The following UTRN variants were observed in gnomAD, a reference collection of about 807,000 sequenced individuals.
UTRN encodes dystrophin-related protein 1.
A neutral mutation model predicts 463.9 loss-of-function variants in UTRN; 283 were observed. That is an observed-to-expected ratio of 0.61 (90% CI 0.55 to 0.67). The LOEUF (loss-of-function observed/expected upper bound fraction) is 0.67, where lower values mean the gene tolerates loss of function less well. UTRN is among the 30% of genes least tolerant of loss of function. The pLI is 0.00. For missense variants in UTRN, 3,922 were observed against 4,084.3 expected, an observed-to-expected ratio of 0.96 and a Z score of 1.08; for synonymous variants, 1,442 against 1,431.5, an observed-to-expected ratio of 1.01 and a Z score of -0.17.
chr6:144,635,509 TTTTTCTTTTTTTTTTTTTTTCTTTTC>T (rs1777031314), intron 51 of UTRN, among the ~76,000 whole-genome samples: 4 of 83,502 alleles, frequency 4.8e-5, no homozygotes, highest in African/African-American at 1.8e-4. Flanking sequence ...CTAGCCTTTT[TTTTTCTTTTTTTTTTTTTTTCTTTTC>T]TTTTTTTTTT....
At chr6:144,305,207 T>C (rs1164902573) in intron 2 of UTRN, among the ~76,000 whole-genome samples, 4 of 152,246 alleles carry the variant, frequency 2.6e-5, no homozygotes, top group Admixed American at 1.3e-4. Flanking sequence ...TATGTCAGCA[T>C]AGATAAATCT....
intron 53 of UTRN, among the ~76,000 whole-genome samples, chr6:144,727,705 C>T (rs919894818): frequency 6.6e-6 from 1 of 151,994 alleles, no homozygotes; most frequent in Non-Finnish European, 1.5e-5. Context: ...GTGAAGGTTA[C>T]GGTGAGCTGA....
chr6:144,748,612 T>C, intron 55 of UTRN, 98 bp downstream of exon 55: 2 of 1,468,422 alleles, frequency 1.4e-6, no homozygotes, highest in Admixed American at 2.4e-5. Context: ...TATAAGGGAT[T>C]GTTACAAAGC....
At chr6:144,753,381 G>A (rs1266037976) in intron 56 of UTRN, among the ~76,000 whole-genome samples, 1 of 152,168 alleles carries the variant, frequency 6.6e-6, no homozygotes, top group African/African-American at 2.4e-5. Flanking sequence ...TTGTGAGGCT[G>A]AGGTGAGAGG....
At chr6:144,303,250 C>A (rs1295013784) in intron 2 of UTRN, among the ~76,000 whole-genome samples, 1 of 152,156 alleles carries the variant, frequency 6.6e-6, no homozygotes, top group Non-Finnish European at 1.5e-5. Flanking sequence ...TGTGCAAAGC[C>A]TCAATGTAAA....
chr6:144,404,813 G>T (rs1313764129), intron 3 of UTRN, among the ~76,000 whole-genome samples: 1 of 152,110 alleles, frequency 6.6e-6, no homozygotes, highest in Non-Finnish European at 1.5e-5. Flanking sequence ...TAATTGAAAA[G>T]AAATTTCTCA....
chr6:144,442,902 C>T (rs1787313913), intron 13 of UTRN, among the ~76,000 whole-genome samples: 1 of 152,298 alleles, frequency 6.6e-6, no homozygotes, highest in East Asian at 1.9e-4. Flanking sequence ...TTCCTAGGCT[C>T]TACCCACTAC....
intron 74 of UTRN, among the ~76,000 whole-genome samples, 197 bp downstream of exon 74, chr6:144,847,024 A>C (rs1284529826): frequency 6.6e-6 from 1 of 152,244 alleles, no homozygotes; most frequent in African/African-American, 2.4e-5. Context: ...CAGATACCAA[A>C]AATACCATGT....
chr6:144,620,281 A>G (rs935956367), intron 51 of UTRN, among the ~76,000 whole-genome samples: 1 of 152,112 alleles, frequency 6.6e-6, no homozygotes, highest in Admixed American at 6.6e-5. Context: ...ATTGGCTACT[A>G]TGTTTTTGCT....
intron 51 of UTRN, among the ~76,000 whole-genome samples, chr6:144,674,691 G>A (rs971946619): frequency 6.6e-6 from 1 of 151,982 alleles, no homozygotes; most frequent in African/African-American, 2.4e-5. Flanking sequence ...CAAGTAGCTG[G>A]GACCACAGGT....
chr6:144,528,047 T>G (rs1238710966), intron 41 of UTRN, among the ~76,000 whole-genome samples: 2 of 141,448 alleles, frequency 1.4e-5, no homozygotes, highest in Non-Finnish European at 3.0e-5. Context: ...TTTTTTTTTT[T>G]TTTTTTGAGA....
chr6:144,367,860 C>T (rs571767620), intron 2 of UTRN, among the ~76,000 whole-genome samples: 4 of 152,266 alleles, frequency 2.6e-5, no homozygotes, highest in South Asian at 4.1e-4. Context: ...CGGCTCACTC[C>T]AACCTCTGCC....
intron 51 of UTRN, among the ~76,000 whole-genome samples, chr6:144,639,206 C>A (rs952709322): frequency 6.6e-6 from 1 of 152,180 alleles, no homozygotes; most frequent in South Asian, 2.1e-4. Flanking sequence ...ATAATTTTAT[C>A]TTCCTGTCCC....
At chr6:144,360,336 C>A (rs561256027) in intron 2 of UTRN, among the ~76,000 whole-genome samples, 3 of 151,818 alleles carry the variant, frequency 2.0e-5, no homozygotes, top group South Asian at 2.1e-4. Context: ...CCATGCCTGG[C>A]GAATTTTTAT....
chr6:144,295,908 C>T (rs1804644139), intron 2 of UTRN, among the ~76,000 whole-genome samples: 1 of 152,210 alleles, frequency 6.6e-6, no homozygotes, highest in Admixed American at 6.5e-5. Flanking sequence ...GGCCTTTGCA[C>T]ATCTCTCTTC....
chr6:144,470,833 C>A (rs536964679), intron 23 of UTRN, among the ~76,000 whole-genome samples: 2 of 151,852 alleles, frequency 1.3e-5, no homozygotes, highest in East Asian at 3.9e-4. Context: ...GAGACCAGCC[C>A]GGCCAACACG....
intron 2 of UTRN, among the ~76,000 whole-genome samples, chr6:144,355,453 C>G (rs1164996566): frequency 3.3e-5 from 5 of 152,194 alleles, no homozygotes; most frequent in Non-Finnish European, 2.9e-5. Context: ...CCTGCCTCTG[C>G]TTCCCAAAGT....
intron 60 of UTRN, among the ~76,000 whole-genome samples, chr6:144,776,693 G>A (rs1301944335): frequency 2.0e-5 from 3 of 152,082 alleles, no homozygotes; most frequent in Non-Finnish European, 4.4e-5. Flanking sequence ...TCCACTTAGT[G>A]ATAGAAATGG....
At chr6:144,439,082 A>G (rs1786872103) in intron 12 of UTRN, among the ~76,000 whole-genome samples, 187 bp downstream of exon 12, 1 of 152,178 alleles carries the variant, frequency 6.6e-6, no homozygotes, top group Admixed American at 6.5e-5. Context: ...ATAAAAGGGC[A>G]CGGTAAAATT....
Sources: gnomAD v4.1 joint callset for allele counts (sites outside exome capture counted in the v4.1 genomes callset) on GRCh38, gnomAD v4.1.1 for gene constraint, MANE v1.5 for transcripts, NCBI Gene and HGNC (gene_info 2026-07-23, HGNC 2026-07-21) for gene names.